Variants in CDH12 observed in about 807,000 individuals in gnomAD.
The protein encoded by CDH12 is cadherin-12.
Under a neutral mutation model 74.1 loss-of-function variants are expected in CDH12, and 41 were observed. The observed-to-expected ratio is 0.55, with a 90% confidence interval of 0.43 to 0.72. CDH12 has a LOEUF of 0.72. Among genes scored for constraint, CDH12 ranks in the 30% least tolerant of loss-of-function variants. The pLI is 0.00. For synonymous variants in CDH12, 399 were observed against 355.0 expected, an observed-to-expected ratio of 1.12 and a Z score of -1.39; for missense variants, 945 against 977.2, an observed-to-expected ratio of 0.97 and a Z score of 0.44.
At chr5:22,704,471 G>C (rs560134551) in intron 1 of CDH12, among the ~76,000 whole-genome samples, 1 of 151,850 alleles carries the variant, frequency 6.6e-6, no homozygotes, top group Non-Finnish European at 1.5e-5. Flanking sequence ...AAAATATTAG[G>C]GTTATATCAC....
chr5:22,149,973 G>A (rs370435349), intron 4 of CDH12, among the ~76,000 whole-genome samples: 1 of 152,096 alleles, frequency 6.6e-6, no homozygotes, highest in African/African-American at 2.4e-5. Context: ...CAGCCTGGGT[G>A]ACAGAGCAAG....
At chr5:22,649,387 T>G (rs934349511) in intron 1 of CDH12, among the ~76,000 whole-genome samples, 2 of 152,048 alleles carry the variant, frequency 1.3e-5, no homozygotes, top group African/African-American at 4.8e-5. Flanking sequence ...TCCAAGGCCA[T>G]ATTTCTTTCT....
At chr5:22,028,371 C>T (rs1186021471) in intron 5 of CDH12, among the ~76,000 whole-genome samples, 2 of 152,102 alleles carry the variant, frequency 1.3e-5, no homozygotes, top group African/African-American at 4.8e-5. Context: ...CCCATTGTCT[C>T]AGCCCAAAAT....
chr5:21,831,704 T>C (rs550901357), intron 8 of CDH12, among the ~76,000 whole-genome samples: 3 of 151,822 alleles, frequency 2.0e-5, no homozygotes, highest in Non-Finnish European at 4.4e-5. Context: ...GTACTTGCCC[T>C]GATTCTCGGG....
chr5:22,689,142 C>A (rs926851827), intron 1 of CDH12, among the ~76,000 whole-genome samples: 1 of 152,070 alleles, frequency 6.6e-6, no homozygotes, highest in Admixed American at 6.6e-5. Context: ...ATGAAGAATA[C>A]CTATCTTCTC....
intron 14 of CDH12, among the ~76,000 whole-genome samples, chr5:21,753,974 G>T (rs574446298): frequency 4.3e-4 from 66 of 152,258 alleles, no homozygotes; most frequent in Non-Finnish European, 7.8e-4. Context: ...TAAACTATGT[G>T]TGTGTTCAAG....
intron 6 of CDH12, among the ~76,000 whole-genome samples, chr5:21,866,779 A>T (rs1579862654): frequency 6.6e-6 from 1 of 152,332 alleles, no homozygotes; most frequent in East Asian, 1.9e-4. Flanking sequence ...GAGAAGCCAA[A>T]TATTAATCAC....
At chr5:22,225,439 A>G (rs991026283) in intron 3 of CDH12, among the ~76,000 whole-genome samples, 4 of 152,108 alleles carry the variant, frequency 2.6e-5, no homozygotes, top group Non-Finnish European at 5.9e-5. Flanking sequence ...TATTGCTAAT[A>G]CAACTGAAAT....
intron 4 of CDH12, among the ~76,000 whole-genome samples, chr5:22,117,512 A>AATATATATATATAATATAT: frequency 1.7e-5 from 1 of 58,578 alleles, no homozygotes; most frequent in South Asian, 4.6e-4. Context: ...ATATATATAT[A>AATATATATATATAATATAT]ATATATATAT....
At chr5:22,427,036 C>A (rs1177649200) in intron 2 of CDH12, among the ~76,000 whole-genome samples, 1 of 152,168 alleles carries the variant, frequency 6.6e-6, no homozygotes, top group African/African-American at 2.4e-5. Context: ...CTTTCCTTCA[C>A]CACTTTTCTC....
At chr5:22,787,346 A>G (rs1264356107) in intron 1 of CDH12, among the ~76,000 whole-genome samples, 2 of 152,142 alleles carry the variant, frequency 1.3e-5, no homozygotes, top group African/African-American at 4.8e-5. Flanking sequence ...CAATTTCATG[A>G]TGCACTTAAT....
At chr5:22,031,258 C>A (rs1002088639) in intron 5 of CDH12, among the ~76,000 whole-genome samples, 1 of 151,900 alleles carries the variant, frequency 6.6e-6, no homozygotes, top group African/African-American at 2.4e-5. Flanking sequence ...CGCTTGAACC[C>A]GGGAGGCAGA....
chr5:22,715,239 T>G (rs917655689), intron 1 of CDH12, among the ~76,000 whole-genome samples: 1 of 152,220 alleles, frequency 6.6e-6, no homozygotes, highest in Non-Finnish European at 1.5e-5. Context: ...TTAGTTACTC[T>G]GAAAAATGTA....
chr5:22,464,875 G>A (rs1402860881), intron 2 of CDH12, among the ~76,000 whole-genome samples: 1 of 151,970 alleles, frequency 6.6e-6, no homozygotes, highest in African/African-American at 2.4e-5. Flanking sequence ...GGTGATGGGA[G>A]CCTGTAATCC....
chr5:22,849,156 G>A (rs1737438260), intron 1 of CDH12, among the ~76,000 whole-genome samples: 1 of 152,080 alleles, frequency 6.6e-6, no homozygotes, highest in Non-Finnish European at 1.5e-5. Context: ...GTTAAAAGGA[G>A]AAAGACCTGA....
At chr5:22,106,986 G>T (rs1305648134) in intron 4 of CDH12, among the ~76,000 whole-genome samples, 3 of 152,104 alleles carry the variant, frequency 2.0e-5, no homozygotes, top group Non-Finnish European at 4.4e-5. Flanking sequence ...AGGTGTTTTT[G>T]TTCATTTCCC....
At chr5:22,173,952 G>T (rs943275529) in intron 4 of CDH12, among the ~76,000 whole-genome samples, 27 of 151,888 alleles carry the variant, frequency 1.8e-4, no homozygotes, top group East Asian at 7.7e-4. Context: ...AACATGTTTG[G>T]CCAGGAATCA....
At chr5:22,823,393 T>A (rs565512242) in intron 1 of CDH12, among the ~76,000 whole-genome samples, 7 of 151,998 alleles carry the variant, frequency 4.6e-5, no homozygotes, top group African/African-American at 1.4e-4. Flanking sequence ...TAATAATTTT[T>A]AAAAAAATGG....
At chr5:22,850,462 A>G (rs1390959488) in intron 1 of CDH12, among the ~76,000 whole-genome samples, 1 of 152,102 alleles carries the variant, frequency 6.6e-6, no homozygotes, top group African/African-American at 2.4e-5. Flanking sequence ...TTTAACAATT[A>G]AATGTATTTT....
Sources: allele counts gnomAD v4.1 joint callset (sites outside exome capture counted in the v4.1 genomes callset), GRCh38; gene constraint gnomAD v4.1.1; transcripts MANE v1.5; gene names NCBI Gene and HGNC (gene_info 2026-07-23, HGNC 2026-07-21).